TRPC5: variants seen among roughly 807,000 people sequenced by gnomAD.
TRPC5 encodes the protein short transient receptor potential channel 5.
A neutral mutation model predicts 56.5 loss-of-function variants in TRPC5; 9 were observed. The ratio of observed to expected loss-of-function variants is 0.16; its 90% CI spans 0.10 to 0.28. TRPC5 has a LOEUF of 0.28. TRPC5 is among the 10% of genes least tolerant of loss of function. TRPC5 has a pLI of 1.00. For missense variants in TRPC5, 469 were observed against 748.9 expected (o/e 0.63, Z 4.36); for synonymous variants, 282 against 278.5 (o/e 1.01, Z -0.13).
chrX:111,894,285 T>C (rs766378108), intron 3 of TRPC5, among the ~76,000 whole-genome samples: 71 of 111,897 alleles, frequency 6.3e-4, no homozygotes, highest in Non-Finnish European at 1.2e-3. Context: ...GTTAGACACT[T>C]ATTGCCAGTT....
At position 111,776,822 on chromosome X, in the gene TRPC5, T is replaced by C. The variant is rs1018336868; in HGVS notation, c.2413A>G (p.Lys805Glu). ...KSVSFNLGCK[K>E]KTCHGPPLIR... ...AGAGGTGGCCCATGGCAAGTCTTTT[T>C]CTTGCAGCCTAAATTAAAAGAGACA... Residue 805 changes from lysine to glutamate, a missense_variant, in exon 11 of 11, where the codon AAA becomes GAA. By Grantham distance (56) the Lys-to-Glu change is moderately conservative (BLOSUM62 1). This residue lies in a region of TRPC5 where 194 missense variants were observed against 221.8 expected (regional missense o/e 0.87). Transcript: ENST00000262839. The C allele has an allele frequency of 8.3e-7, 1 of 1,209,365 alleles. No individual in the cohort carries two copies. The highest frequency in any genetic ancestry group is 1.1e-6 in the Non-Finnish European group (1 of 895,062).
Position 111,773,163 on chromosome X carries a change from A to G in TRPC5, c.*3150T>C, listed in dbSNP as rs894664091. On this transcript the variant is annotated 3_prime_UTR_variant, in exon 11 of 11. Coordinates refer to ENST00000262839, the MANE Select transcript of TRPC5 (RefSeq NM_012471.3). ...AATTTTTTAATATCTCCATGTCAGT[A>G]GACAGAAGCGTAACTTGAAGCATTT... Among the ~76,000 whole-genome samples, 5 of 112,257 alleles carry G rather than the reference A, an allele frequency of 4.5e-5. No individual in the cohort carries two copies. The Admixed American group carries it at 4.7e-4, about 11-fold the overall frequency.
chrX:111,960,224 A>G (rs1272614942), intron 1 of TRPC5, among the ~76,000 whole-genome samples: 1 of 111,476 alleles, frequency 9.0e-6, no homozygotes, highest in East Asian at 2.8e-4. Flanking sequence ...AATACAGGGG[A>G]CTCTTTCAAT....
chrX:111,884,424 A>T (rs1226752711), intron 3 of TRPC5, among the ~76,000 whole-genome samples: 2 of 112,658 alleles, frequency 1.8e-5, no homozygotes, highest in African/African-American at 6.4e-5. Context: ...GCCTAATTAA[A>T]GGCTAGCCAT....
rs1569528410 is a variant in TRPC5 at position 111,944,307 on chromosome X, AG to A, written c.378+7735del. 5.2e-3 allele frequency among the ~76,000 whole-genome samples: 293 copies of A among 56,619 alleles called. 2 individuals are homozygous for A. The highest frequency in any genetic ancestry group is 0.032 in the African/African-American group (268 of 8,472). 49.2% of individuals were successfully genotyped at this position (56,619 alleles called of 115,157 possible). Reference sequence around the variant, plus strand: ...GTGTGTGTGTGTGTGTGTGTGTGAGAGAGAGAGAGAGAGAGAGAGAGAGAGA... The same window carrying A: ...GTGTGTGTGTGTGTGTGTGTGTGAGAAGAGAGAGAGAGAGAGAGAGAGAGA... On this transcript the variant is annotated intron_variant, in intron 2 of 10. Transcript: ENST00000262839.
At chrX:111,796,970 A>C (rs1336452997) in intron 7 of TRPC5, among the ~76,000 whole-genome samples, 1 of 112,550 alleles carries the variant, frequency 8.9e-6, no homozygotes, top group Non-Finnish European at 1.9e-5. Context: ...TGCCACTTCA[A>C]AAAAATAAAA....
chrX:111,812,431 G>A (rs757872192), intron 7 of TRPC5, among the ~76,000 whole-genome samples: 3 of 111,514 alleles, frequency 2.7e-5, no homozygotes, highest in Non-Finnish European at 5.6e-5. Flanking sequence ...ACCTCACGTT[G>A]GGAATTATTA....
chrX:112,053,683 G>T, intron 1 of TRPC5, among the ~76,000 whole-genome samples: 1 of 110,895 alleles, frequency 9.0e-6, no homozygotes, highest in African/African-American at 3.3e-5. Context: ...ATAGGAAGGG[G>T]GAGGAAGAAA....
At chrX:111,805,553 A>G (rs1160034023) in intron 7 of TRPC5, among the ~76,000 whole-genome samples, 2 of 111,826 alleles carry the variant, frequency 1.8e-5, no homozygotes, top group African/African-American at 6.5e-5. Context: ...CTGAAAAATC[A>G]AGCTGTATTT....
intron 1 of TRPC5, among the ~76,000 whole-genome samples, chrX:112,013,794 G>T (rs143299659): frequency 3.6e-5 from 4 of 111,835 alleles, no homozygotes; most frequent in African/African-American, 6.5e-5. Context: ...TGGAGCCTCA[G>T]TCTCTAGTAT....
chrX:111,902,157 G>T (rs977408383), intron 3 of TRPC5: 2 of 1,138,671 alleles, frequency 1.8e-6, no homozygotes, highest in African/African-American at 1.8e-5. Flanking sequence ...ACAGTCTCTG[G>T]TATAAATGAT....
intron 1 of TRPC5, among the ~76,000 whole-genome samples, chrX:111,959,948 G>T (rs1014590514): frequency 1.1e-4 from 12 of 111,347 alleles, no homozygotes; most frequent in South Asian, 3.8e-4. Context: ...AACTGGAAAA[G>T]AAATTTCTAC....
intron 7 of TRPC5, among the ~76,000 whole-genome samples, chrX:111,820,516 T>C (rs1921999225): frequency 1.8e-5 from 2 of 112,443 alleles, no homozygotes; most frequent in South Asian, 7.3e-4. Flanking sequence ...CTTGAAATTA[T>C]ACAAATTTCA....
At chrX:111,901,122 T>C (rs1319002626) in intron 3 of TRPC5, among the ~76,000 whole-genome samples, 1 of 111,487 alleles carries the variant, frequency 9.0e-6, no homozygotes, top group East Asian at 2.8e-4. Context: ...AGGACTTTCA[T>C]TTACCATAAA....
chrX:111,884,903 G>A (rs972482595), intron 3 of TRPC5, among the ~76,000 whole-genome samples: 5 of 112,584 alleles, frequency 4.4e-5, no homozygotes, highest in Admixed American at 3.8e-4. Context: ...GCCTAGAAAA[G>A]CTGTGGTCAG....
At chrX:111,926,231 C>A (rs1418358531) in intron 2 of TRPC5, among the ~76,000 whole-genome samples, 1 of 111,110 alleles carries the variant, frequency 9.0e-6, no homozygotes, top group Admixed American at 9.6e-5. Flanking sequence ...CAGTGCCTCA[C>A]TAGGACAATG....
In TRPC5 at chrX:111,770,992, A is replaced by G. The variant is rs190216716; in HGVS notation, c.*5321T>C. On this transcript the variant is annotated 3_prime_UTR_variant, in exon 11 of 11. Transcript: ENST00000262839. ...GGTTGCCCCAAAACCTGCTAAAGTC[A>G]AAGGGCAAATATGCTGAAAAATGGT... 7.1e-5 allele frequency among the ~76,000 whole-genome samples: 8 copies of G among 112,144 alleles called. No individual in the cohort carries two copies. The highest frequency in any genetic ancestry group is 2.6e-4 in the African/African-American group (8 of 30,948).
intron 9 of TRPC5, 55 bp downstream of exon 9, chrX:111,781,107 TCTC>T: frequency 2.7e-6 from 3 of 1,107,292 alleles, no homozygotes; most frequent in African/African-American, 1.8e-5. Context: ...GAAGTTTGCT[TCTC>T]CTCCACAGAA....
chrX:112,019,671 G>A (rs1256196867), intron 1 of TRPC5, among the ~76,000 whole-genome samples: 1 of 111,907 alleles, frequency 8.9e-6, no homozygotes, highest in African/African-American at 3.2e-5. Context: ...TCCTGACCCC[G>A]TGATCCGCCC....
Sources: gnomAD v4.1 joint callset for allele counts (sites outside exome capture counted in the v4.1 genomes callset) on GRCh38, gnomAD v4.1.1 for gene constraint, gnomAD v4.1.1 regional missense constraint, MANE v1.5 for transcripts, NCBI Gene and HGNC (gene_info 2026-07-23, HGNC 2026-07-21) for gene names.